The following PRELID2 variants were observed in gnomAD, a reference collection of about 807,000 sequenced individuals.
PRELID2 encodes the protein PRELI domain containing 2.
PRELID2 carries 25 observed loss-of-function variants against 28.4 expected under a neutral mutation model. The ratio of observed to expected loss-of-function variants is 0.88; its 90% CI spans 0.64 to 1.23. The LOEUF is 1.23. Among genes scored for constraint, PRELID2 ranks in the 50% most tolerant of loss-of-function variants. The probability of loss-of-function intolerance (pLI) is 0.00; values close to 1 mark genes in which losing one functional copy is unlikely to be tolerated. For synonymous variants in PRELID2, 76 were observed against 71.6 expected (o/e 1.06, Z -0.31); for missense variants, 201 against 214.4 (o/e 0.94, Z 0.39).
intron 1 of PRELID2, among the ~76,000 whole-genome samples, chr5:145,738,622 TACTC>T (rs1248068161): frequency 1.3e-5 from 2 of 151,850 alleles, no homozygotes; most frequent in South Asian, 2.1e-4. Flanking sequence ...CAATAGAAAT[TACTC>T]AATCTAAACA....
At chr5:145,832,994 C>T (rs945651889) in intron 1 of PRELID2, among the ~76,000 whole-genome samples, 4 of 132,296 alleles carry the variant, frequency 3.0e-5, no homozygotes, top group South Asian at 2.5e-4. Flanking sequence ...TGTTCATTTG[C>T]GCATCATTTA....
the PRELID2 span, among the ~76,000 whole-genome samples, chr5:145,431,017 T>TG: frequency 2.7e-5 from 4 of 145,744 alleles, no homozygotes; most frequent in Admixed American, 6.8e-5. Flanking sequence ...TTTTTTTTTT[T>TG]TTTTTTTTTT....
At chr5:145,520,211 C>A (rs1268683766) in intron 1 of PRELID2, among the ~76,000 whole-genome samples, 1 of 152,148 alleles carries the variant, frequency 6.6e-6, no homozygotes, top group Non-Finnish European at 1.5e-5. Context: ...TCCTGGCATA[C>A]AGGACATAAC....
At chr5:145,443,778 G>A in the PRELID2 span, among the ~76,000 whole-genome samples, 2 of 152,040 alleles carry the variant, frequency 1.3e-5, no homozygotes, top group African/African-American at 4.8e-5. Context: ...GAGAGGGTAA[G>A]TGACTTTCCC....
intron 1 of PRELID2, among the ~76,000 whole-genome samples, chr5:145,633,880 ACT>A (rs1242370746): frequency 2.0e-5 from 3 of 152,118 alleles, no homozygotes; most frequent in Non-Finnish European, 4.4e-5. Flanking sequence ...TGTCCAGCAA[ACT>A]CTGCCACAAG....
chr5:145,260,783 A>T, the PRELID2 span, among the ~76,000 whole-genome samples: 4 of 152,234 alleles, frequency 2.6e-5, no homozygotes, highest in African/African-American at 7.2e-5. Flanking sequence ...GAATTACTGC[A>T]GGAACATACC....
chr5:145,259,246 T>C, the PRELID2 span, among the ~76,000 whole-genome samples: 1 of 152,124 alleles, frequency 6.6e-6, no homozygotes, highest in African/African-American at 2.4e-5. Flanking sequence ...AATATGGGAT[T>C]TGAGCCCCTA....
At chr5:145,703,424 C>G (rs1258754134) in intron 1 of PRELID2, among the ~76,000 whole-genome samples, 1 of 152,170 alleles carries the variant, frequency 6.6e-6, no homozygotes, top group Non-Finnish European at 1.5e-5. Context: ...CCCAAATACA[C>G]ACAGTAGCTT....
the PRELID2 span, among the ~76,000 whole-genome samples, chr5:145,323,530 T>A: frequency 2.0e-5 from 3 of 152,126 alleles, no homozygotes; most frequent in African/African-American, 7.2e-5. Flanking sequence ...AAATTGCATG[T>A]TGTGGGGGGT....
At chr5:145,310,857 C>A in the PRELID2 span, among the ~76,000 whole-genome samples, 1 of 148,298 alleles carries the variant, frequency 6.7e-6, no homozygotes. Context: ...TTTCATCTCC[C>A]TTTTTTTTTT....
intron 1 of PRELID2, among the ~76,000 whole-genome samples, chr5:145,732,692 G>A (rs773200083): frequency 2.0e-5 from 3 of 152,158 alleles, no homozygotes; most frequent in Non-Finnish European, 4.4e-5. Context: ...CTTCAGAGAT[G>A]CATAAAATTA....
At chr5:145,548,565 G>C (rs1201846242) in intron 1 of PRELID2, among the ~76,000 whole-genome samples, 2 of 152,086 alleles carry the variant, frequency 1.3e-5, no homozygotes, top group Admixed American at 1.3e-4. Context: ...ATATTAAAGA[G>C]AATTTGCCAG....
intron 5 of PRELID2, among the ~76,000 whole-genome samples, chr5:145,784,784 TTG>T (rs1362965211): frequency 6.1e-5 from 2 of 32,666 alleles, no homozygotes; most frequent in African/African-American, 2.7e-4. Context: ...AATCCCAACT[TTG>T]TTTTTTTTTT....
intron 4 of PRELID2, among the ~76,000 whole-genome samples, chr5:145,799,768 G>T (rs1355023302): frequency 1.3e-5 from 2 of 152,154 alleles, no homozygotes; most frequent in Non-Finnish European, 2.9e-5. Context: ...AGGCTGAGAA[G>T]TTTAGGCTTT....
At position 145,674,071 on chromosome 5, in the gene PRELID2, C is replaced by T. The variant is rs77378363; in HGVS notation, n.70+90860G>A. ...ATTATACCATTAATTTGGAAAAACA[C>T]CAAAAAATATAAGAAATAGGAGGGG... On this transcript the variant is annotated intron_variant and non_coding_transcript_variant, in intron 1 of 2. Transcript: ENST00000510259. Among the ~76,000 whole-genome samples, 831 of 152,160 alleles carry T rather than the reference C, an allele frequency of 5.5e-3. 15 individuals carry two copies. The highest frequency in any genetic ancestry group is 0.019 in the African/African-American group (776 of 41,530).
intron 1 of PRELID2, among the ~76,000 whole-genome samples, chr5:145,544,594 T>TCA (rs1752770388): frequency 1.3e-5 from 2 of 152,122 alleles, no homozygotes; most frequent in African/African-American, 4.8e-5. Context: ...GCCACCCTTT[T>TCA]GAGAAGTGTC....
At chr5:145,476,153 C>A (rs1402158507) in intron 1 of PRELID2, among the ~76,000 whole-genome samples, 2 of 152,190 alleles carry the variant, frequency 1.3e-5, no homozygotes, top group Admixed American at 6.5e-5. Flanking sequence ...CAGGAATTTT[C>A]ATTTCAAATA....
the PRELID2 span, among the ~76,000 whole-genome samples, chr5:145,323,591 A>G: frequency 6.6e-5 from 10 of 152,196 alleles, no homozygotes; most frequent in Non-Finnish European, 1.0e-4. Context: ...GTAAATGGGT[A>G]GTTTTTCAAT....
intron 1 of PRELID2, among the ~76,000 whole-genome samples, chr5:145,709,516 C>T (rs1755632770): frequency 6.6e-6 from 1 of 151,704 alleles, no homozygotes; most frequent in Non-Finnish European, 1.5e-5. Context: ...GTGTTGGATT[C>T]CATCAGGTGG....
Sources: allele counts gnomAD v4.1 joint callset (sites outside exome capture counted in the v4.1 genomes callset), GRCh38; gene constraint gnomAD v4.1.1; transcripts MANE v1.5; gene names NCBI Gene and HGNC (gene_info 2026-07-23, HGNC 2026-07-21).